CSMD1: variants seen among roughly 807,000 people sequenced by gnomAD.
CSMD1 encodes CUB and Sushi multiple domains 1.
Under a neutral mutation model 417.5 loss-of-function variants are expected in CSMD1, and 213 were observed. The observed-to-expected ratio is 0.51, with a 90% CI of 0.46 to 0.57. The LOEUF (loss-of-function observed/expected upper bound fraction) is 0.57, where lower values mean the gene tolerates loss of function less well. CSMD1 is among the 20% of genes least tolerant of loss of function. The probability of loss-of-function intolerance (pLI) is 0.00; values close to 1 mark genes in which losing one functional copy is unlikely to be tolerated. For missense variants in CSMD1, 6,923 were observed against 4,529.7 expected, an observed-to-expected ratio of 1.53 and a Z score of -15.17; for synonymous variants, 2,862 against 1,736.8, an observed-to-expected ratio of 1.65 and a Z score of -16.11.
intron 7 of CSMD1, among the ~76,000 whole-genome samples, chr8:3,625,047 C>T (rs10503212): frequency 0.056 from 8,381 of 151,008 alleles, 443 homozygotes; most frequent in East Asian, 0.29. Flanking sequence ...CAGCATCCTA[C>T]GAGACATTTC....
intron 3 of CSMD1, among the ~76,000 whole-genome samples, chr8:4,098,901 G>C (rs114018116): frequency 6.6e-6 from 1 of 152,082 alleles, no homozygotes; most frequent in Non-Finnish European, 1.5e-5. Context: ...CCAACTGTGG[G>C]TTAGAACCAG....
intron 2 of CSMD1, among the ~76,000 whole-genome samples, chr8:4,471,752 C>T (rs1237822914): frequency 6.6e-6 from 1 of 152,038 alleles, no homozygotes; most frequent in East Asian, 1.9e-4. Flanking sequence ...AAGTTAGACC[C>T]ATTTCTTTAG....
intron 2 of CSMD1, among the ~76,000 whole-genome samples, chr8:4,625,936 C>G (rs974180585): frequency 8.5e-5 from 13 of 152,098 alleles, no homozygotes; most frequent in African/African-American, 3.1e-4. Context: ...GTTGGCCAGG[C>G]TGGTCTCGAA....
At chr8:3,241,290 C>T (rs1799496017) in intron 26 of CSMD1, among the ~76,000 whole-genome samples, 1 of 150,496 alleles carries the variant, frequency 6.6e-6, no homozygotes, top group African/African-American at 2.4e-5. Context: ...GTTTAGAAGC[C>T]TGGCCGTCAA....
intron 2 of CSMD1, among the ~76,000 whole-genome samples, chr8:4,628,589 C>T (rs1802302644): frequency 7.5e-6 from 1 of 132,838 alleles, no homozygotes; most frequent in South Asian, 2.7e-4. Flanking sequence ...GGACAGAGAA[C>T]ACACACAGGA....
intron 3 of CSMD1, among the ~76,000 whole-genome samples, chr8:4,096,870 C>T (rs752890816): frequency 6.6e-6 from 1 of 152,118 alleles, no homozygotes; most frequent in Non-Finnish European, 1.5e-5. Context: ...TCCTGCAAAG[C>T]CATCTTGCAA....
At chr8:3,406,330 A>G (rs1047378959) in intron 14 of CSMD1, 109 bp from the exon 15 acceptor site, 7 of 787,884 alleles carry the variant, frequency 8.9e-6, no homozygotes, top group African/African-American at 3.6e-5. Context: ...TATAATGTAT[A>G]TAATTATATA....
intron 3 of CSMD1, among the ~76,000 whole-genome samples, chr8:4,398,833 G>T (rs536908389): frequency 6.6e-6 from 1 of 152,072 alleles, no homozygotes; most frequent in Non-Finnish European, 1.5e-5. Flanking sequence ...TCTTTTCAAG[G>T]TCTTTTTATG....
chr8:4,714,182 C>G (rs1584984998), intron 1 of CSMD1, among the ~76,000 whole-genome samples: 1 of 152,028 alleles, frequency 6.6e-6, no homozygotes, highest in Admixed American at 6.6e-5. Context: ...GTTCTGCACA[C>G]CAACACCAAG....
chr8:4,867,709 T>G (rs555876101), intron 1 of CSMD1, among the ~76,000 whole-genome samples: 2 of 152,250 alleles, frequency 1.3e-5, no homozygotes, highest in Non-Finnish European at 2.9e-5. Context: ...TGTGTGTGTG[T>G]AAATTGTCAA....
rs62503419 is a variant in CSMD1 at position 3,288,163 on chromosome 8, A to G, written c.3951-3817T>C. 2.0e-3 allele frequency among the ~76,000 whole-genome samples: 290 copies of G among 147,004 alleles called. 46 individuals carry two copies. Among genetic ancestry groups the G allele is most frequent in the African/African-American group, 7.6e-3 (279 of 36,886 alleles). Reference sequence around the variant, plus strand: ...TCCCAGGGATGAAGCCCACTTGATCATTGTGGATAAGCTTTTTGATGTATT... The same window carrying G: ...TCCCAGGGATGAAGCCCACTTGATCGTTGTGGATAAGCTTTTTGATGTATT... On this transcript the variant is annotated intron_variant, in intron 25 of 69. Coordinates refer to ENST00000635120, the MANE Select transcript of CSMD1 (RefSeq NM_033225.6).
chr8:4,026,010 A>AT (rs1347049683), intron 4 of CSMD1, among the ~76,000 whole-genome samples: 3 of 112,280 alleles, frequency 2.7e-5, no homozygotes, highest in African/African-American at 9.2e-5. Context: ...TAGGAACTCT[A>AT]TAAAAAAAAA....
intron 1 of CSMD1, among the ~76,000 whole-genome samples, chr8:4,694,422 G>A (rs905886317): frequency 6.6e-6 from 1 of 151,796 alleles, no homozygotes; most frequent in Non-Finnish European, 1.5e-5. Flanking sequence ...TGTGATCTTG[G>A]GTCACTGCAA....
intron 5 of CSMD1, among the ~76,000 whole-genome samples, chr8:3,931,010 C>T (rs7015804): frequency 4.0e-5 from 6 of 149,982 alleles, no homozygotes; most frequent in African/African-American, 1.5e-4. Flanking sequence ...GTTAACTAGC[C>T]ATAGTGCTAA....
intron 2 of CSMD1, among the ~76,000 whole-genome samples, chr8:4,539,928 T>C (rs896662347): frequency 6.6e-6 from 1 of 152,102 alleles, no homozygotes; most frequent in African/African-American, 2.4e-5. Context: ...GGATTTCTCT[T>C]CCCATCTACC....
intron 53 of CSMD1, among the ~76,000 whole-genome samples, chr8:2,998,755 T>C (rs1217162328): frequency 6.6e-6 from 1 of 152,240 alleles, no homozygotes; most frequent in Admixed American, 6.5e-5. Flanking sequence ...ACTGTCAATA[T>C]GTCATGCCCC....
At chr8:4,990,697 C>G (rs986747865) in intron 1 of CSMD1, among the ~76,000 whole-genome samples, 2 of 152,004 alleles carry the variant, frequency 1.3e-5, no homozygotes, top group Non-Finnish European at 2.9e-5. Flanking sequence ...GGGTTTCCTG[C>G]GAAAGTATCT....
chr8:4,028,710 T>A (rs1334098192), intron 4 of CSMD1, among the ~76,000 whole-genome samples: 1 of 152,192 alleles, frequency 6.6e-6, no homozygotes, highest in African/African-American at 2.4e-5. Context: ...CTCTATTTCT[T>A]TACCTTTTAA....
chr8:4,973,255 T>C (rs1563908787), intron 1 of CSMD1, among the ~76,000 whole-genome samples: 1 of 152,176 alleles, frequency 6.6e-6, no homozygotes, highest in Non-Finnish European at 1.5e-5. Context: ...TTAAAATGCT[T>C]GAGGGCAGGG....
Sources: gnomAD v4.1 joint callset for allele counts (sites outside exome capture counted in the v4.1 genomes callset) on GRCh38, gnomAD v4.1.1 for gene constraint, MANE v1.5 for transcripts, NCBI Gene and HGNC (gene_info 2026-07-23, HGNC 2026-07-21) for gene names.